NPAS3: variants seen among roughly 807,000 people sequenced by gnomAD.
NPAS3 encodes neuronal PAS domain protein 3.
In NPAS3, 14 loss-of-function variants were observed where a neutral mutation model predicts 73.1. That is an observed-to-expected ratio of 0.19 (90% confidence interval 0.13 to 0.30). The LOEUF (loss-of-function observed/expected upper bound fraction) is 0.30, where lower values mean the gene tolerates loss of function less well. NPAS3 is among the 10% of genes least tolerant of loss of function. The probability of loss-of-function intolerance (pLI) is 1.00; values close to 1 mark genes in which losing one functional copy is unlikely to be tolerated. For missense variants in NPAS3, 1,096 were observed against 1,250.0 expected (o/e 0.88, Z 1.86); for synonymous variants, 620 against 541.5 (o/e 1.14, Z -2.01).
intron 4 of NPAS3, 94 bp from the exon 5 acceptor site, chr14:33,560,027 T>A (rs1051614437): frequency 3.0e-5 from 15 of 502,440 alleles, no homozygotes; most frequent in Non-Finnish European, 3.9e-5. Flanking sequence ...AAAAAAAAAA[T>A]TCAATGTATT....
intron 4 of NPAS3, among the ~76,000 whole-genome samples, chr14:33,388,651 G>A (rs1440984149): frequency 6.6e-6 from 1 of 152,014 alleles, no homozygotes; most frequent in East Asian, 1.9e-4. Context: ...AGAAGGAGCT[G>A]AGACATGTTT....
At chr14:33,563,430 A>G (rs985958457) in intron 5 of NPAS3, among the ~76,000 whole-genome samples, 10 of 151,770 alleles carry the variant, frequency 6.6e-5, no homozygotes, top group Non-Finnish European at 8.8e-5. Flanking sequence ...AAGTATTCTC[A>G]TCTTGTTGTA....
chr14:33,314,677 T>A (rs1043233929), intron 3 of NPAS3, among the ~76,000 whole-genome samples: 1 of 152,056 alleles, frequency 6.6e-6, no homozygotes, highest in East Asian at 1.9e-4. Flanking sequence ...TAAAAACATA[T>A]TGAATGGATT....
chr14:33,039,074 C>T (rs1046581797), intron 1 of NPAS3, among the ~76,000 whole-genome samples: 1 of 152,122 alleles, frequency 6.6e-6, no homozygotes, highest in Non-Finnish European at 1.5e-5. Flanking sequence ...CCCATGAAGC[C>T]ACGACCAAGA....
chr14:33,535,616 A>C (rs553041782), intron 4 of NPAS3, among the ~76,000 whole-genome samples: 1 of 152,210 alleles, frequency 6.6e-6, no homozygotes, highest in African/African-American at 2.4e-5. Context: ...ATCAATTAAC[A>C]TGTTCATCAG....
Position 33,485,557 on chromosome 14 carries a change from A to G in NPAS3, c.469-74564A>G, listed in dbSNP as rs188095027. ...GAGGTCCCCCGACTACCCCACCTTC[A>G]TAGAGAAGAATTTCATTTCTCATGC... On this transcript the variant is annotated intron_variant, in intron 4 of 11. Coordinates refer to ENST00000356141, the Ensembl canonical transcript of NPAS3. Among the ~76,000 whole-genome samples, 27 of 152,286 alleles carry G rather than the reference A, an allele frequency of 1.8e-4. No homozygotes were observed. The East Asian group carries it at 4.2e-3, about 24-fold the overall frequency.
chr14:33,160,735 A>AC (rs2044842792), intron 2 of NPAS3, among the ~76,000 whole-genome samples: 1 of 147,892 alleles, frequency 6.8e-6, no homozygotes, highest in African/African-American at 2.5e-5. Context: ...TTATTTATTT[A>AC]CTTTTTTTTT....
In NPAS3 at chr14:33,799,786, C is replaced by T. The variant is rs142552405; in HGVS notation, c.1479C>T (p.Ser493=). Reference sequence around the variant, plus strand: ...AGAAGGGGAACCAGTCCGAGAACAGCGAAGACCCGGAGCCCGACCGGAAGA... The same window carrying T: ...AGAAGGGGAACCAGTCCGAGAACAGTGAAGACCCGGAGCCCGACCGGAAGA... The change falls in exon 12 of 12, where the codon AGC becomes AGT. Residue 493 remains serine, a synonymous_variant. Coordinates refer to ENST00000356141, the Ensembl canonical transcript of NPAS3. 1,812 of 1,608,554 alleles carry T rather than the reference C, an allele frequency of 1.1e-3. 20 individuals are homozygous for T. The African/African-American group carries it at 0.021, about 19-fold the overall frequency.
intron 1 of NPAS3, among the ~76,000 whole-genome samples, chr14:32,940,154 A>G (rs1251369241): frequency 2.0e-5 from 3 of 152,276 alleles, no homozygotes; most frequent in Non-Finnish European, 2.9e-5. Context: ...TGGAGCATCT[A>G]TGCCCCGTTA....
chr14:33,531,030 CAGA>C (rs1182772273), intron 4 of NPAS3, among the ~76,000 whole-genome samples: 2 of 152,010 alleles, frequency 1.3e-5, no homozygotes, highest in African/African-American at 2.4e-5. Context: ...TGAAAACACA[CAGA>C]AGAAGAGGTT....
intron 3 of NPAS3, among the ~76,000 whole-genome samples, chr14:33,327,479 C>T (rs537038271): frequency 6.6e-6 from 1 of 152,294 alleles, no homozygotes; most frequent in Non-Finnish European, 1.5e-5. Flanking sequence ...CAAAGATACA[C>T]AGGAAGTGGT....
rs532062138 is a variant in NPAS3, at chr14:33,154,566, G to A, written c.141-60616G>A. Among the ~76,000 whole-genome samples the A allele has an allele frequency of 1.5e-3, 223 of 152,250 alleles. 1 individual carries two copies. Among genetic ancestry groups the A allele is most frequent in the African/African-American group, 5.2e-3 (218 of 41,554 alleles). ...GTAAAGCCACTTTCATTCACTGATC[G>A]TGAAGCCTTTTACAGATTTAAAATC... On this transcript the variant is annotated intron_variant, in intron 2 of 11. Coordinates refer to ENST00000356141, the Ensembl canonical transcript of NPAS3.
At chr14:33,318,494 A>T (rs1231649842) in intron 3 of NPAS3, among the ~76,000 whole-genome samples, 1 of 152,076 alleles carries the variant, frequency 6.6e-6, no homozygotes, top group Admixed American at 6.6e-5. Flanking sequence ...TTTCATTTAT[A>T]CCTATTTTAC....
chr14:33,636,502 G>A (rs1358870095), intron 5 of NPAS3, among the ~76,000 whole-genome samples: 1 of 152,110 alleles, frequency 6.6e-6, no homozygotes, highest in Non-Finnish European at 1.5e-5. Context: ...ACACTCCAAG[G>A]GCATGTCAGG....
chr14:33,043,905 A>G (rs747658144), intron 1 of NPAS3, among the ~76,000 whole-genome samples: 55 of 152,272 alleles, frequency 3.6e-4, no homozygotes, highest in South Asian at 8.3e-4. Flanking sequence ...AAGGAATATC[A>G]TCCAGTACTC....
At chr14:33,205,996 C>T (rs1027719289) in intron 2 of NPAS3, among the ~76,000 whole-genome samples, 2 of 152,118 alleles carry the variant, frequency 1.3e-5, no homozygotes, top group African/African-American at 4.8e-5. Flanking sequence ...TAGCAATTAA[C>T]AGCAAATCTA....
chr14:33,378,814 G>T (rs1189975191), intron 4 of NPAS3, among the ~76,000 whole-genome samples: 1 of 152,140 alleles, frequency 6.6e-6, no homozygotes, highest in East Asian at 1.9e-4. Context: ...CATAAAGATT[G>T]TTTGCAAGGT....
At chr14:33,771,665 A>G (rs989735305) in intron 7 of NPAS3, among the ~76,000 whole-genome samples, 1 of 152,116 alleles carries the variant, frequency 6.6e-6, no homozygotes, top group Non-Finnish European at 1.5e-5. Context: ...CAAAAAAATT[A>G]GCTGGGCATG....
intron 6 of NPAS3, among the ~76,000 whole-genome samples, chr14:33,700,393 A>G (rs1445382282): frequency 6.6e-6 from 1 of 152,214 alleles, no homozygotes; most frequent in Non-Finnish European, 1.5e-5. Flanking sequence ...GAGCGAAAAT[A>G]TGCAAAACAT....
Sources: allele counts gnomAD v4.1 joint callset (sites outside exome capture counted in the v4.1 genomes callset), GRCh38; gene constraint gnomAD v4.1.1; transcripts MANE v1.5; gene names NCBI Gene and HGNC (gene_info 2026-07-23, HGNC 2026-07-21).